Variants in CDYL2 observed in about 807,000 individuals in gnomAD.
The protein encoded by CDYL2 is chromodomain Y like 2.
A neutral mutation model predicts 49.4 loss-of-function variants in CDYL2; 23 were observed. The observed-to-expected ratio is 0.47, with a 90% CI of 0.34 to 0.66. CDYL2 has a LOEUF of 0.66. CDYL2 is among the 30% of genes least tolerant of loss of function. CDYL2 has a pLI of 0.01. For synonymous variants in CDYL2, 360 were observed against 268.8 expected (o/e 1.34, Z -3.32); for missense variants, 678 against 656.4 (o/e 1.03, Z -0.36).
intron 1 of CDYL2, among the ~76,000 whole-genome samples, chr16:80,779,960 G>A (rs1289555030): frequency 6.6e-6 from 1 of 152,014 alleles, no homozygotes; most frequent in Non-Finnish European, 1.5e-5. Flanking sequence ...TACTTATTAA[G>A]AAAGCATATA....
chr16:80,787,014 C>A (rs1907459323), intron 1 of CDYL2, among the ~76,000 whole-genome samples: 1 of 151,870 alleles, frequency 6.6e-6, no homozygotes, highest in Non-Finnish European at 1.5e-5. Flanking sequence ...CACGTGCATA[C>A]CTATGTAACA....
At chr16:80,736,457 G>A (rs1905535484) in intron 1 of CDYL2, 1 of 152,218 alleles carries the variant, frequency 6.6e-6, no homozygotes, top group East Asian at 1.9e-4. Context: ...AGCAAGAGAG[G>A]TACAAAGCTG....
At chr16:80,749,049 T>C (rs1029589995) in intron 1 of CDYL2, among the ~76,000 whole-genome samples, 1 of 152,186 alleles carries the variant, frequency 6.6e-6, no homozygotes, top group African/African-American at 2.4e-5. Context: ...ACTGTGGTTC[T>C]AACTGTACCT....
intron 2 of CDYL2, among the ~76,000 whole-genome samples, chr16:80,676,691 C>A (rs1183589793): frequency 6.6e-6 from 1 of 152,202 alleles, no homozygotes; most frequent in Non-Finnish European, 1.5e-5. Flanking sequence ...CTACTGCATT[C>A]TGAAGTGAGA....
At chr16:80,688,402 C>T (rs1161481318) in intron 1 of CDYL2, among the ~76,000 whole-genome samples, 4 of 151,856 alleles carry the variant, frequency 2.6e-5, no homozygotes, top group Non-Finnish European at 5.9e-5. Context: ...GTGTCCCCAT[C>T]GGTAAAATAT....
At chr16:80,665,160 A>C (rs1909207323) in intron 2 of CDYL2, among the ~76,000 whole-genome samples, 1 of 152,172 alleles carries the variant, frequency 6.6e-6, no homozygotes, top group South Asian at 2.1e-4. Flanking sequence ...TATTTTCTAC[A>C]AATCTTCTTA....
rs116698965 is a variant in CDYL2, at chr16:80,735,765, T to G, written c.25-50636A>C. Among the ~76,000 whole-genome samples the G allele has an allele frequency of 7.2e-3, 1,103 of 152,340 alleles. 12 individuals carry two copies. Among genetic ancestry groups the G allele is most frequent in the African/African-American group, 0.025 (1,028 of 41,588 alleles). On this transcript the variant is annotated intron_variant, in intron 1 of 6. Transcript: ENST00000570137. ...GTACTCTGAAGCCATGGCACTGCTT[T>G]CAGACCACCCCTTCCATTTGCATTG...
intron 1 of CDYL2, among the ~76,000 whole-genome samples, chr16:80,798,065 G>C (rs1189044491): frequency 6.6e-6 from 1 of 152,156 alleles, no homozygotes; most frequent in Non-Finnish European, 1.5e-5. Flanking sequence ...TTTTGAGACA[G>C]AGCCTCACTC....
chr16:80,626,443 G>T (rs955429369), intron 3 of CDYL2, among the ~76,000 whole-genome samples: 4 of 152,224 alleles, frequency 2.6e-5, no homozygotes, highest in Non-Finnish European at 2.9e-5. Flanking sequence ...GAGGAGGAAT[G>T]ACTAGGGTTG....
Position 80,599,622 on chromosome 16 carries a change from C to T in CDYL2, c.*4766G>A, listed in dbSNP as rs1269333159. On this transcript the variant is annotated 3_prime_UTR_variant, in exon 7 of 7. Coordinates refer to ENST00000570137, the MANE Select transcript of CDYL2 (RefSeq NM_152342.4). ...GTAACTAAAATTGACTTCAGATTGT[C>T]TACACAGTAAGACTCATAGGTAAAC... 1 of 152,166 alleles carries T rather than the reference C, an allele frequency of 6.6e-6. No individual in the cohort carries two copies. The highest frequency in any genetic ancestry group is 1.9e-4 in the East Asian group (1 of 5,196). 9.4% of individuals were successfully genotyped at this position (152,166 alleles called of 1,614,324 possible). A position where few individuals can be genotyped will look rare whatever the true frequency, so the allele number is the denominator to read the frequency against.
chr16:80,628,910 A>T (rs950784572), intron 3 of CDYL2, among the ~76,000 whole-genome samples: 1 of 152,170 alleles, frequency 6.6e-6, no homozygotes, highest in South Asian at 2.1e-4. Flanking sequence ...CTGTGATAAG[A>T]CTTGTGCAAG....
chr16:80,644,919 G>A (rs555698113), intron 2 of CDYL2, among the ~76,000 whole-genome samples: 37 of 152,222 alleles, frequency 2.4e-4, no homozygotes, highest in African/African-American at 7.7e-4. Flanking sequence ...ATGGTGCTGG[G>A]AAAACTGGCT....
chr16:80,607,198 C>G (rs1253660557), intron 6 of CDYL2, among the ~76,000 whole-genome samples: 1 of 152,170 alleles, frequency 6.6e-6, no homozygotes. Context: ...CACCCTCACC[C>G]CGCGAGCACT....
chr16:80,797,114 G>GT (rs1056676087), intron 1 of CDYL2, among the ~76,000 whole-genome samples: 1 of 152,122 alleles, frequency 6.6e-6, no homozygotes, highest in African/African-American at 2.4e-5. Flanking sequence ...TTTACACACT[G>GT]TTTTTTGGCT....
At chr16:80,641,122 G>C (rs994041513) in intron 2 of CDYL2, among the ~76,000 whole-genome samples, 1 of 152,068 alleles carries the variant, frequency 6.6e-6, no homozygotes, top group African/African-American at 2.4e-5. Flanking sequence ...AGACAAAGCA[G>C]ATTTAACCCA....
At chr16:80,717,840 G>A (rs916613290) in intron 1 of CDYL2, among the ~76,000 whole-genome samples, 1 of 152,220 alleles carries the variant, frequency 6.6e-6, no homozygotes, top group East Asian at 1.9e-4. Flanking sequence ...AAATTCCCTG[G>A]CATGCAAAAT....
chr16:80,741,944 G>T (rs983214831), intron 1 of CDYL2, among the ~76,000 whole-genome samples: 1 of 152,198 alleles, frequency 6.6e-6, no homozygotes, highest in African/African-American at 2.4e-5. Context: ...AACAGCCTAA[G>T]GAAATAACCA....
intron 5 of CDYL2, among the ~76,000 whole-genome samples, chr16:80,609,181 A>G (rs1018664131): frequency 6.6e-6 from 1 of 152,226 alleles, no homozygotes; most frequent in African/African-American, 2.4e-5. Context: ...AGCTATATAG[A>G]TAAAGTCCTG....
intron 1 of CDYL2, among the ~76,000 whole-genome samples, chr16:80,700,369 A>G (rs1451288397): frequency 6.6e-6 from 1 of 152,248 alleles, no homozygotes; most frequent in Non-Finnish European, 1.5e-5. Flanking sequence ...TTTTCCTTTC[A>G]TAAAAGACAT....
Sources: allele counts gnomAD v4.1 joint callset (sites outside exome capture counted in the v4.1 genomes callset), GRCh38; gene constraint gnomAD v4.1.1; transcripts MANE v1.5; gene names NCBI Gene and HGNC (gene_info 2026-07-23, HGNC 2026-07-21).